Variants in PADI1 observed in about 807,000 individuals in gnomAD.
PADI1 encodes peptidyl arginine deiminase 1, also known as protein-arginine deiminase type-1.
Under a neutral mutation model 74.8 loss-of-function variants are expected in PADI1, and 65 were observed. That is an observed-to-expected ratio of 0.87 (90% confidence interval 0.71 to 1.07). PADI1 has a LOEUF of 1.07. Ranked by LOEUF, PADI1 falls within the 50% of genes least tolerant of loss-of-function variation. The pLI is 0.00. For missense variants in PADI1, 943 were observed against 854.0 expected, an observed-to-expected ratio of 1.10 and a Z score of -1.30; for synonymous variants, 371 against 336.2, an observed-to-expected ratio of 1.10 and a Z score of -1.13.
rs111289170 is a variant in PADI1 at position 17,215,320 on chromosome 1, G to C, written c.93-6970G>C. On this transcript the variant is annotated intron_variant, in intron 1 of 15. Coordinates refer to ENST00000375471, the MANE Select transcript of PADI1 (RefSeq NM_013358.3). ...ATCTAGACTACAGGAAGCTAGGCTG[G>C]GCTTGGAGGGTCTTGATAGCCCCAG... Among the ~76,000 whole-genome samples the C allele has an allele frequency of 4.8e-3, 732 of 152,156 alleles. 6 individuals carry two copies. Among genetic ancestry groups the C allele is most frequent in the African/African-American group, 0.017 (701 of 41,470 alleles).
intron 13 of PADI1, among the ~76,000 whole-genome samples, chr1:17,238,924 C>T (rs990771615): frequency 6.6e-6 from 1 of 152,196 alleles, no homozygotes; most frequent in Non-Finnish European, 1.5e-5. Context: ...CCCCAGGTGC[C>T]GGTCAATGCC....
At chr1:17,222,124 C>G (rs2072170204) in intron 1 of PADI1, among the ~76,000 whole-genome samples, 166 bp from the exon 2 acceptor site, 1 of 152,208 alleles carries the variant, frequency 6.6e-6, no homozygotes, top group African/African-American at 2.4e-5. Flanking sequence ...TATGCCCTGG[C>G]TTCCAGATGC....
At chr1:17,216,041 A>T (rs1431116016) in intron 1 of PADI1, among the ~76,000 whole-genome samples, 4 of 151,912 alleles carry the variant, frequency 2.6e-5, no homozygotes, top group Non-Finnish European at 4.4e-5. Flanking sequence ...GGCTGGGCGG[A>T]CCGCAGGGAT....
At chr1:17,240,506 C>A in intron 14 of PADI1, 129 bp from the exon 15 acceptor site, 1 of 1,005,030 alleles carries the variant, frequency 9.9e-7, no homozygotes, top group Non-Finnish European at 1.5e-6. Context: ...TTCTATTGCA[C>A]AAAGCTGTTG....
At chr1:17,205,770 G>C in intron 1 of PADI1, among the ~76,000 whole-genome samples, 1 of 152,156 alleles carries the variant, frequency 6.6e-6, no homozygotes, top group East Asian at 1.9e-4. Context: ...GAGATAACTA[G>C]ATTGATTCCA....
intron 2 of PADI1, among the ~76,000 whole-genome samples, chr1:17,223,015 G>C (rs1167805573): frequency 6.6e-6 from 1 of 152,208 alleles, no homozygotes; most frequent in Admixed American, 6.5e-5. Flanking sequence ...GGATAAAGCA[G>C]CTGTTGAGGG....
chr1:17,243,118 G>A (rs1183893891), intron 15 of PADI1, among the ~76,000 whole-genome samples: 1 of 152,208 alleles, frequency 6.6e-6, no homozygotes, highest in Non-Finnish European at 1.5e-5. Context: ...GCCCTCTAGA[G>A]AGAAGGTCCG....
chr1:17,237,090 CACTT>C (rs1227110268), intron 11 of PADI1, among the ~76,000 whole-genome samples: 2 of 152,234 alleles, frequency 1.3e-5, no homozygotes, highest in Non-Finnish European at 2.9e-5. Flanking sequence ...TTAAACAAGA[CACTT>C]ACTGCGAGGA....
intron 6 of PADI1, among the ~76,000 whole-genome samples, chr1:17,227,559 A>T (rs529049357): frequency 3.8e-4 from 58 of 150,946 alleles, no homozygotes; most frequent in Non-Finnish European, 4.4e-4. Flanking sequence ...ATAAATAAAT[A>T]AATAAATAAA....
chr1:17,224,827 G>T (rs2072263277), intron 4 of PADI1, among the ~76,000 whole-genome samples: 2 of 152,090 alleles, frequency 1.3e-5, no homozygotes, highest in South Asian at 4.1e-4. Context: ...ATGGTGGTCA[G>T]CCCCAGGTAA....
rs751161616 is a variant in PADI1 at position 17,237,434 on chromosome 1, C to A, written c.1434C>A (p.Thr478=). Residue 478 remains threonine (T), a synonymous_variant, in exon 12 of 16, where the codon ACC becomes ACA. Transcript: ENST00000375471. Reference sequence around the variant, plus strand: ...TGGGCCATGTGGACGAGTTTCTGACCTTTGTGCCTACCTCTGACCAAAAGG... The same window carrying A: ...TGGGCCATGTGGACGAGTTTCTGACATTTGTGCCTACCTCTGACCAAAAGG... ...LSVGHVDEFL[T]FVPTSDQKGF... 1 of 1,613,042 alleles carries A rather than the reference C, an allele frequency of 6.2e-7. No homozygotes were observed. The highest frequency in any genetic ancestry group is 1.1e-5 in the South Asian group (1 of 90,950).
Position 17,245,260 on chromosome 1 carries a change from G to A in PADI1, c.*1017G>A, listed in dbSNP as rs2072860733. The A allele has an allele frequency of 6.5e-6, 1 of 152,678 alleles. No individual in the cohort carries two copies. The highest frequency in any genetic ancestry group is 1.5e-5 in the Non-Finnish European group (1 of 68,070). The allele number at this position is 152,678 out of a possible 1,614,324, so 9.5% of individuals were successfully genotyped here. On this transcript the variant is annotated 3_prime_UTR_variant, in exon 16 of 16. Coordinates refer to ENST00000375471, the MANE Select transcript of PADI1 (RefSeq NM_013358.3). This position sits in a 1 kb window ranked among gnomAD's most constrained non-coding sequence, Gnocchi z 4.1. The stretch of plus-strand genomic sequence containing the variant: ...ATTCCCCTTCATTCTGCAGGCAGTG[G>A]GAGGGGAAGGCTTGCCCGGTCTCTC...
chr1:17,232,859 C>G lies in PADI1; in HGVS notation c.1202C>G (p.Pro401Arg), dbSNP rs376813212. 1.2e-5 allele frequency: 19 copies of G among 1,613,434 alleles called. No homozygotes were observed. Among genetic ancestry groups the G allele is most frequent in the Non-Finnish European group, 1.6e-5 (19 of 1,179,878 alleles). ...TATGTTACCCGGGAGATCCCGCTCCCTGGTCCCTCCAGCCTTGACTCCTTC... is the reference window on the plus strand; with the variant it reads ...TATGTTACCCGGGAGATCCCGCTCCGTGGTCCCTCCAGCCTTGACTCCTTC... ...FGYVTREIPL[P>R]GPSSLDSFGN... The change falls in exon 11 of 16, where the codon CCT (proline) becomes CGT (arginine). Residue 401 changes from proline to arginine, a missense_variant. Transcript: ENST00000375471.
At position 17,222,405 on chromosome 1, in the gene PADI1, C is replaced by T; in HGVS notation, c.208C>T (p.Leu70=). 6.2e-7 allele frequency: 1 copy of T among 1,614,124 alleles called. No homozygotes were observed. Among genetic ancestry groups the T allele is most frequent in the Non-Finnish European group, 8.5e-7 (1 of 1,179,972 alleles). ...GCCCATAGGCAAGGCCCGTTGGCCGCTAGACACTGATGCAGACATGGTCGT... is the reference window on the plus strand; with the variant it reads ...GCCCATAGGCAAGGCCCGTTGGCCGTTAGACACTGATGCAGACATGGTCGT... ...KEPIGKARWP[L]DTDADMVVSV... Residue 70 remains leucine, a synonymous_variant, in exon 2 of 16, where the codon CTA becomes TTA. Transcript: ENST00000375471.
At chr1:17,222,157 G>T (rs2072171558) in intron 1 of PADI1, 133 bp from the exon 2 acceptor site, 2 of 650,254 alleles carry the variant, frequency 3.1e-6, no homozygotes, top group Non-Finnish European at 5.5e-6. Flanking sequence ...GCACTGCCCT[G>T]TGCCTCCCCA....
chr1:17,222,168 G>A, intron 1 of PADI1, 122 bp from the exon 2 acceptor site: 1 of 679,574 alleles, frequency 1.5e-6, no homozygotes, highest in Non-Finnish European at 2.6e-6. Context: ...TGCCTCCCCA[G>A]CCTGACTGTT....
At chr1:17,241,556 A>G in intron 15 of PADI1, among the ~76,000 whole-genome samples, 1 of 89,866 alleles carries the variant, frequency 1.1e-5, no homozygotes, top group Non-Finnish European at 2.1e-5. Flanking sequence ...ATCGGGATGG[A>G]ATCAGGGTTG....
Position 17,239,731 on chromosome 1 carries a change from T to C in PADI1, c.1580T>C (p.Ile527Thr). ...DGLKHQAKRS[I>T]NEMLADRHLQ... ...TTAAAACACCAGGCAAAAAGAAGCA[T>C]TAATGAGATGCTGGCAGACAGACAC... The change falls in exon 14 of 16, where the codon ATT (isoleucine) becomes ACT (threonine). Residue 527 changes from isoleucine to threonine, a missense_variant. Physicochemically the swap from Ile to Thr is moderately conservative, Grantham distance 89. Transcript: ENST00000375471. The C allele has an allele frequency of 6.2e-7, 1 of 1,614,124 alleles. No individual in the cohort carries two copies. Among genetic ancestry groups the C allele is most frequent in the Non-Finnish European group, 8.5e-7 (1 of 1,179,956 alleles).
chr1:17,228,819 G>A, intron 7 of PADI1, 22 bp downstream of exon 7: 1 of 1,611,722 alleles, frequency 6.2e-7, no homozygotes, highest in Non-Finnish European at 8.5e-7. Flanking sequence ...ACTGGGGGGT[G>A]GCCAAGGAGG....
Sources: gnomAD v4.1 joint callset for allele counts (sites outside exome capture counted in the v4.1 genomes callset) on GRCh38, gnomAD v4.1.1 for gene constraint, Gnocchi (gnomAD v3.1) non-coding constraint, MANE v1.5 for transcripts, NCBI Gene and HGNC (gene_info 2026-07-23, HGNC 2026-07-21) for gene names.